Variants in CDC73 observed in about 807,000 individuals in gnomAD.
CDC73 encodes the protein parafibromin.
In CDC73, 21 loss-of-function variants were observed where a neutral mutation model predicts 83.7. The ratio of observed to expected loss-of-function variants is 0.25; its 90% CI spans 0.18 to 0.36. The LOEUF is 0.36. Among genes scored for constraint, CDC73 ranks in the 10% least tolerant of loss-of-function variants. The pLI, the probability that CDC73 is intolerant of heterozygous loss-of-function variation, is 1.00. For missense variants in CDC73, 342 were observed against 653.3 expected (o/e 0.52, Z 5.19); for synonymous variants, 224 against 212.9 (o/e 1.05, Z -0.45).
chr1:193,237,048 A>G (rs1455669227), intron 15 of CDC73: 1 of 148,666 alleles, frequency 6.7e-6, no homozygotes, highest in Admixed American at 6.7e-5. Flanking sequence ...GGTTCACGCC[A>G]TTCTCCTGCC....
At chr1:193,219,666 T>C (rs774856938) in intron 13 of CDC73, among the ~76,000 whole-genome samples, 6 of 152,058 alleles carry the variant, frequency 3.9e-5, no homozygotes, top group Non-Finnish European at 2.9e-5. Context: ...ATGTTCTACG[T>C]GGGAGCTAGA....
chr1:193,228,048 G>A (rs1677594133), intron 13 of CDC73, among the ~76,000 whole-genome samples: 1 of 152,144 alleles, frequency 6.6e-6, no homozygotes, highest in African/African-American at 2.4e-5. Context: ...TGAATTGATA[G>A]TGCTGTAATA....
chr1:193,180,043 G>A (rs897003774), intron 10 of CDC73: 36 of 295,572 alleles, frequency 1.2e-4, no homozygotes, highest in African/African-American at 7.4e-4. Flanking sequence ...ATTTATGCAT[G>A]CTTGTTATTG....
chr1:193,190,842 G>A (rs981116227), intron 10 of CDC73, among the ~76,000 whole-genome samples: 1 of 152,170 alleles, frequency 6.6e-6, no homozygotes. Flanking sequence ...TTCTCAAGGG[G>A]GCAGTGGTAG....
At chr1:193,135,342 T>C in intron 3 of CDC73, 49 bp from the exon 4 acceptor site, 1 of 1,364,322 alleles carries the variant, frequency 7.3e-7, no homozygotes, top group Non-Finnish European at 1.0e-6. Flanking sequence ...TAATATCCAA[T>C]ATATATGTTG....
intron 15 of CDC73, among the ~76,000 whole-genome samples, chr1:193,248,608 G>A (rs1464220693): frequency 1.3e-5 from 2 of 152,014 alleles, no homozygotes; most frequent in African/African-American, 4.8e-5. Context: ...ATGCCATTAA[G>A]AACATTTGTG....
At chr1:193,160,037 G>C (rs779763329) in intron 10 of CDC73, among the ~76,000 whole-genome samples, 20 of 152,094 alleles carry the variant, frequency 1.3e-4, no homozygotes, top group Non-Finnish European at 2.9e-4. Flanking sequence ...TCTTAACTGA[G>C]ATTTATTGAA....
Position 193,135,375 on chromosome 1 carries a change from CT to C in CDC73, c.308-11del, listed in dbSNP as rs747397191. 1.9e-6 allele frequency: 3 copies of C among 1,603,810 alleles called. No homozygotes were observed. The highest frequency in any genetic ancestry group is 2.2e-5 in the South Asian group (2 of 90,830). On this transcript the variant is annotated splice_polypyrimidine_tract_variant and intron_variant, in intron 3 of 16. Coordinates refer to ENST00000367435, the MANE Select transcript of CDC73 (RefSeq NM_024529.5). ...TTGAAATAGTAATCCTTACGTGAATCTTTTTATGTCTTCAGCAACATCGGCA... is the reference window on the plus strand; with the variant it reads ...TTGAAATAGTAATCCTTACGTGAATCTTTTATGTCTTCAGCAACATCGGCA...
At chr1:193,170,897 A>G (rs142485939) in intron 10 of CDC73, among the ~76,000 whole-genome samples, 6 of 152,288 alleles carry the variant, frequency 3.9e-5, no homozygotes, top group Non-Finnish European at 7.4e-5. Context: ...TCTGTGAGCA[A>G]AGGGGGCACA....
chr1:193,167,615 T>C (rs567561566), intron 10 of CDC73, among the ~76,000 whole-genome samples: 1 of 152,314 alleles, frequency 6.6e-6, no homozygotes, highest in South Asian at 2.1e-4. Context: ...TTTCCTTCCC[T>C]GGCTAACAAG....
At chr1:193,247,593 T>C (rs901462953) in intron 15 of CDC73, among the ~76,000 whole-genome samples, 2 of 152,118 alleles carry the variant, frequency 1.3e-5, no homozygotes, top group Non-Finnish European at 2.9e-5. Flanking sequence ...AGGTCTATTA[T>C]GCCAAACAGC....
intron 13 of CDC73, among the ~76,000 whole-genome samples, chr1:193,232,299 CACA>C (rs984430985): frequency 1.3e-5 from 2 of 151,934 alleles, no homozygotes; most frequent in Non-Finnish European, 2.9e-5. Flanking sequence ...GCCTACTAGC[CACA>C]ACAACTTTTT....
At chr1:193,144,388 T>C (rs891985021) in intron 7 of CDC73, among the ~76,000 whole-genome samples, 11 of 152,158 alleles carry the variant, frequency 7.2e-5, no homozygotes, top group African/African-American at 1.2e-4. Context: ...TTGATGATAA[T>C]ATTGATTAAT....
chr1:193,161,577 A>T (rs1336144536), intron 10 of CDC73, among the ~76,000 whole-genome samples: 2 of 125,612 alleles, frequency 1.6e-5, no homozygotes, highest in East Asian at 4.1e-4. Context: ...ATATATTATT[A>T]TATAATATAT....
At chr1:193,141,802 A>T in intron 6 of CDC73, 48 bp from the exon 7 acceptor site, 1 of 1,141,686 alleles carries the variant, frequency 8.8e-7, no homozygotes, top group Non-Finnish European at 1.3e-6. Context: ...TTTATGATAC[A>T]CTCCAGGAAT....
intron 1 of CDC73, among the ~76,000 whole-genome samples, chr1:193,123,543 A>C (rs1675505974): frequency 6.6e-6 from 1 of 152,146 alleles, no homozygotes; most frequent in Admixed American, 6.5e-5. Flanking sequence ...TTGGTTTTAA[A>C]ATTTTTTTGT....
intron 10 of CDC73, among the ~76,000 whole-genome samples, chr1:193,174,014 A>C (rs1199733383): frequency 6.6e-6 from 1 of 152,226 alleles, no homozygotes; most frequent in East Asian, 1.9e-4. Flanking sequence ...TCCTGAAGAA[A>C]GTCTTAATTT....
intron 15 of CDC73, among the ~76,000 whole-genome samples, chr1:193,248,733 A>G (rs1343065023): frequency 6.6e-6 from 1 of 152,070 alleles, no homozygotes; most frequent in Non-Finnish European, 1.5e-5. Flanking sequence ...GGAGGAAATA[A>G]AGATAGGGTG....
At chr1:193,184,644 T>A (rs1347365483) in intron 10 of CDC73, among the ~76,000 whole-genome samples, 3 of 151,902 alleles carry the variant, frequency 2.0e-5, no homozygotes, top group African/African-American at 7.2e-5. Flanking sequence ...AACTTACACT[T>A]TTGTTTTGAG....
Sources: allele counts gnomAD v4.1 joint callset (sites outside exome capture counted in the v4.1 genomes callset), GRCh38; gene constraint gnomAD v4.1.1; transcripts MANE v1.5; gene names NCBI Gene and HGNC (gene_info 2026-07-23, HGNC 2026-07-21).